Variants in CEP43 observed in about 807,000 individuals in gnomAD.
The protein encoded by CEP43 is centrosomal protein 43, also known as FGFR1 oncogene partner.
CEP43 carries 36 observed loss-of-function variants against 52.6 expected under a neutral mutation model. That is an observed-to-expected ratio of 0.68 (90% CI 0.52 to 0.90). The LOEUF is 0.90. Ranked by LOEUF, CEP43 falls within the 40% of genes least tolerant of loss-of-function variation. The pLI is 0.00. For synonymous variants in CEP43, 192 were observed against 172.4 expected (o/e 1.11, Z -0.89); for missense variants, 506 against 472.8 (o/e 1.07, Z -0.65).
chr6:167,044,716 T>C lies in CEP43; in HGVS notation c.*4738T>C. The stretch of plus-strand genomic sequence containing the variant: ...CCTCGTGTCATCCGACTTTGCGTTG[T>C]GGCCCTGCCTGCAGAAACGTGTGCT... On this transcript the variant is annotated 3_prime_UTR_variant, in exon 13 of 13. Coordinates refer to ENST00000366847, the MANE Select transcript of CEP43 (RefSeq NM_007045.4). 4.2e-6 allele frequency: 1 copy of C among 236,954 alleles called. No individual in the cohort carries two copies. 14.7% of individuals were successfully genotyped at this position (236,954 alleles called of 1,614,324 possible).
At position 167,040,193 on chromosome 6, in the gene CEP43, T is replaced by C. The variant is rs1373117533; in HGVS notation, c.*215T>C. 4 of 1,529,630 alleles carry C rather than the reference T, an allele frequency of 2.6e-6. No individual in the cohort carries two copies. Among genetic ancestry groups the C allele is most frequent in the Non-Finnish European group, 3.5e-6 (4 of 1,144,570 alleles). 94.8% of individuals were successfully genotyped at this position (1,529,630 alleles called of 1,614,324 possible). A position where few individuals can be genotyped will look rare whatever the true frequency, so the allele number is the denominator to read the frequency against. ...TGTGGAAGATTTAATATTCTTAATTTAACTGTACATTTCTTTATGGAAATT... is the reference window on the plus strand; with the variant it reads ...TGTGGAAGATTTAATATTCTTAATTCAACTGTACATTTCTTTATGGAAATT... On this transcript the variant is annotated 3_prime_UTR_variant, in exon 13 of 13. Transcript: ENST00000366847.
chr6:167,009,251 G>T (rs1779924137), intron 5 of CEP43, among the ~76,000 whole-genome samples: 1 of 151,662 alleles, frequency 6.6e-6, no homozygotes, highest in South Asian at 2.1e-4. Context: ...AATTGGCCAG[G>T]TGCGGTGGCT....
Position 167,045,643 on chromosome 6 carries a change from G to A in CEP43, c.*5665G>A, listed in dbSNP as rs1302722635. ...CCAGCTACTCGGGAGGCTGAGGCAG[G>A]AGAATGGCGTGAACCCAGGAGGCGG... On this transcript the variant is annotated 3_prime_UTR_variant, in exon 13 of 13. Coordinates refer to ENST00000366847, the MANE Select transcript of CEP43 (RefSeq NM_007045.4). 6.6e-6 allele frequency: 1 copy of A among 152,218 alleles called. No homozygotes were observed. The highest frequency in any genetic ancestry group is 2.0e-4 in the East Asian group (1 of 5,114). 9.4% of individuals were successfully genotyped at this position (152,218 alleles called of 1,614,324 possible).
At chr6:167,018,538 G>A (rs1320679461) in intron 7 of CEP43, among the ~76,000 whole-genome samples, 2 of 151,936 alleles carry the variant, frequency 1.3e-5, no homozygotes, top group Non-Finnish European at 2.9e-5. Flanking sequence ...TTACAGGCAC[G>A]TGCCACCACA....
At chr6:167,032,758 T>C in intron 11 of CEP43, 116 bp downstream of exon 11, 1 of 887,514 alleles carries the variant, frequency 1.1e-6, no homozygotes, top group Admixed American at 2.8e-5. Context: ...GATTCTGTTG[T>C]TCATATTGAT....
intron 12 of CEP43, among the ~76,000 whole-genome samples, chr6:167,038,700 A>G (rs1780631769): frequency 1.3e-5 from 2 of 152,270 alleles, no homozygotes; most frequent in Non-Finnish European, 2.9e-5. Flanking sequence ...CTTAGTAGAC[A>G]TGATTTTAGG....
chr6:167,029,143 G>A (rs943749726), intron 10 of CEP43, among the ~76,000 whole-genome samples: 5 of 152,176 alleles, frequency 3.3e-5, no homozygotes, highest in Non-Finnish European at 7.4e-5. Flanking sequence ...CTGAACAAAA[G>A]CAGGTCATCA....
intron 5 of CEP43, among the ~76,000 whole-genome samples, chr6:167,009,690 G>T (rs914168067): frequency 1.4e-5 from 2 of 147,254 alleles, no homozygotes; most frequent in East Asian, 4.0e-4. Context: ...AAAAAAGTTA[G>T]TTGGGTGCGG....
At chr6:167,007,749 C>T (rs1047465211) in intron 5 of CEP43, among the ~76,000 whole-genome samples, 8 of 152,188 alleles carry the variant, frequency 5.3e-5, no homozygotes, top group African/African-American at 1.4e-4. Flanking sequence ...ATTTTAACCA[C>T]CTCAAGAATC....
At chr6:167,008,550 CTCCACCTCCCAGG>C (rs1410862657) in intron 5 of CEP43, among the ~76,000 whole-genome samples, 7 of 152,084 alleles carry the variant, frequency 4.6e-5, no homozygotes, top group Admixed American at 4.6e-4. Context: ...CTGCTGCAAG[CTCCACCTCCCAGG>C]TTCACGACAT....
intron 9 of CEP43, 150 bp from the exon 10 acceptor site, chr6:167,026,397 C>G (rs960594080): frequency 7.9e-6 from 5 of 634,264 alleles, no homozygotes; most frequent in Non-Finnish European, 1.4e-5. Flanking sequence ...CTTAAGCGTT[C>G]ATTAATCACA....
chr6:167,032,056 C>T (rs145211752), intron 10 of CEP43, among the ~76,000 whole-genome samples: 12 of 152,158 alleles, frequency 7.9e-5, no homozygotes, highest in Non-Finnish European at 1.5e-4. Context: ...TTTGGCTGTA[C>T]GTCAGAGCAG....
intron 10 of CEP43, among the ~76,000 whole-genome samples, chr6:167,031,624 G>A (rs953150462): frequency 2.2e-4 from 33 of 152,212 alleles, no homozygotes; most frequent in African/African-American, 6.8e-4. Context: ...GACAAGGCCC[G>A]CAGGGTCTTT....
intron 7 of CEP43, among the ~76,000 whole-genome samples, chr6:167,016,014 A>T (rs560199125): frequency 2.6e-5 from 4 of 151,954 alleles, no homozygotes; most frequent in Non-Finnish European, 5.9e-5. Context: ...ATCATCTGTG[A>T]TAATTTATCT....
At chr6:167,029,036 T>C (rs73028301) in intron 10 of CEP43, among the ~76,000 whole-genome samples, 3,085 of 152,348 alleles carry the variant, frequency 0.02, 52 homozygotes, top group East Asian at 0.091. Context: ...GGTTTGTGGA[T>C]GGCATGTACT....
intron 10 of CEP43, among the ~76,000 whole-genome samples, chr6:167,031,149 T>C (rs934044023): frequency 6.6e-6 from 1 of 152,218 alleles, no homozygotes; most frequent in African/African-American, 2.4e-5. Flanking sequence ...CTCAAACTCC[T>C]GGGTGCAAGT....
intron 7 of CEP43, among the ~76,000 whole-genome samples, chr6:167,018,102 C>T (rs11965097): frequency 0.017 from 2,541 of 152,230 alleles, 175 homozygotes; most frequent in Admixed American, 0.13. Context: ...ATGGATTACT[C>T]CAGTCTTTGC....
chr6:167,021,165 C>T (rs374964510), intron 7 of CEP43, among the ~76,000 whole-genome samples: 1 of 151,970 alleles, frequency 6.6e-6, no homozygotes, highest in Middle Eastern at 3.2e-3. Context: ...TATTATTCCA[C>T]GGGTATTTTA....
At chr6:167,034,285 A>T (rs1299098160) in intron 12 of CEP43, among the ~76,000 whole-genome samples, 1 of 152,174 alleles carries the variant, frequency 6.6e-6, no homozygotes. Context: ...ACCTGGTGCC[A>T]TAGGTGGAAG....
Sources: gnomAD v4.1 joint callset for allele counts (sites outside exome capture counted in the v4.1 genomes callset) on GRCh38, gnomAD v4.1.1 for gene constraint, MANE v1.5 for transcripts, NCBI Gene and HGNC (gene_info 2026-07-23, HGNC 2026-07-21) for gene names.